Variants in RAD51B observed in about 807,000 individuals in gnomAD.
RAD51B encodes the protein DNA repair protein RAD51 homolog 2.
In RAD51B, 38 loss-of-function variants were observed where a neutral mutation model predicts 42.2. The observed-to-expected ratio is 0.90, with a 90% CI of 0.70 to 1.18. RAD51B has a LOEUF of 1.18. Ranked by LOEUF, RAD51B falls within the 50% of genes most tolerant of loss-of-function variation. RAD51B has a pLI of 0.00. For synonymous variants in RAD51B, 154 were observed against 145.2 expected, an observed-to-expected ratio of 1.06 and a Z score of -0.43; for missense variants, 373 against 400.7, an observed-to-expected ratio of 0.93 and a Z score of 0.59.
At position 68,562,044 on chromosome 14, in the gene RAD51B, A is replaced by G. The variant is rs1014649706; in HGVS notation, c.1037-32441A>G. 4.1e-6 allele frequency: 4 copies of G among 985,298 alleles called. No homozygotes were observed. The African/African-American group carries it at 7.0e-5, about 17-fold the overall frequency. The allele number at this position is 985,298 out of a possible 1,614,324, so 61.0% of individuals were successfully genotyped here. ...AGCACGTCTCTGAAGCTGTCTTTGC[A>G]GAATTAGACCACATGAATAATTTGG... On this transcript the variant is annotated intron_variant, in intron 10 of 10. Coordinates refer to the RAD51B transcript ENST00000487270.
At chr14:68,366,654 G>A (rs1393187988) in intron 8 of RAD51B, among the ~76,000 whole-genome samples, 2 of 152,158 alleles carry the variant, frequency 1.3e-5, no homozygotes, top group Non-Finnish European at 2.9e-5. Context: ...ATCCAAAATG[G>A]TAACCAAAAA....
chr14:68,403,530 C>G (rs913750858), intron 8 of RAD51B, among the ~76,000 whole-genome samples: 1 of 152,144 alleles, frequency 6.6e-6, no homozygotes, highest in African/African-American at 2.4e-5. Flanking sequence ...GTACCAGAAG[C>G]CCATCACCTT....
At chr14:68,657,210 G>A (rs956817052) in intron 11 of RAD51B, among the ~76,000 whole-genome samples, 2 of 152,152 alleles carry the variant, frequency 1.3e-5, no homozygotes, top group African/African-American at 4.8e-5. Context: ...GGACATTGTA[G>A]GTCTCGCGGT....
chr14:67,876,254 A>G (rs878908669), intron 5 of RAD51B, among the ~76,000 whole-genome samples: 2 of 152,366 alleles, frequency 1.3e-5, no homozygotes, highest in Admixed American at 6.5e-5. Context: ...ATAAGCCTAC[A>G]TTTTAGCATA....
intron 8 of RAD51B, among the ~76,000 whole-genome samples, chr14:68,325,237 A>G (rs1595709871): frequency 6.6e-6 from 1 of 152,212 alleles, no homozygotes; most frequent in East Asian, 1.9e-4. Context: ...TATGTTTTTG[A>G]GGGTTAAATG....
At chr14:68,520,361 T>G (rs1170279393) in intron 10 of RAD51B, among the ~76,000 whole-genome samples, 3 of 152,210 alleles carry the variant, frequency 2.0e-5, no homozygotes, top group South Asian at 4.1e-4. Context: ...ACTATTAGAT[T>G]ACTGGCTATT....
intron 10 of RAD51B, among the ~76,000 whole-genome samples, chr14:68,560,042 A>G (rs1217617742): frequency 1.3e-5 from 2 of 152,190 alleles, no homozygotes; most frequent in Non-Finnish European, 2.9e-5. Flanking sequence ...CATACCCAGC[A>G]GAGCTACTTC....
intron 7 of RAD51B, among the ~76,000 whole-genome samples, chr14:68,148,438 A>G (rs1164053556): frequency 1.3e-5 from 2 of 152,242 alleles, no homozygotes; most frequent in Non-Finnish European, 2.9e-5. Flanking sequence ...CTCACCAGCA[A>G]TGAATGAGAG....
At chr14:68,547,122 G>A (rs146640000) in intron 10 of RAD51B, among the ~76,000 whole-genome samples, 272 of 152,280 alleles carry the variant, frequency 1.8e-3, no homozygotes, top group Non-Finnish European at 3.4e-3. Flanking sequence ...GACTAGACCG[G>A]TGCCTAACAA....
chr14:67,823,700 C>T, intron 2 of RAD51B, 73 bp downstream of exon 2: 1 of 1,121,934 alleles, frequency 8.9e-7, no homozygotes, highest in South Asian at 1.6e-5. Flanking sequence ...ACCTCTTAAA[C>T]TTGAAATATG....
At position 68,617,120 on chromosome 14, in the gene RAD51B, G is replaced by A. The variant is rs192493100; in HGVS notation, c.1037-33661G>A. 8.3e-4 allele frequency among the ~76,000 whole-genome samples: 127 copies of A among 152,192 alleles called. 4 individuals are homozygous for A. In the Middle Eastern group the frequency reaches 0.01, roughly 12 times the overall value. On this transcript the variant is annotated intron_variant, in intron 10 of 11. Coordinates refer to the RAD51B transcript ENST00000488612. Reference sequence around the variant, plus strand: ...GTCACATTTTTCTGCTACCTGGTGAGTCTAGTAATTTTTGCTTAGATGTTG... The same window carrying A: ...GTCACATTTTTCTGCTACCTGGTGAATCTAGTAATTTTTGCTTAGATGTTG...
At chr14:68,463,123 G>A (rs1566898197) in intron 9 of RAD51B, among the ~76,000 whole-genome samples, 1 of 152,174 alleles carries the variant, frequency 6.6e-6, no homozygotes, top group Non-Finnish European at 1.5e-5. Context: ...AGATTTATGG[G>A]ATGGATGAAC....
chr14:68,375,644 T>C (rs990279763), intron 8 of RAD51B, among the ~76,000 whole-genome samples: 1 of 152,134 alleles, frequency 6.6e-6, no homozygotes, highest in African/African-American at 2.4e-5. Context: ...GCAGACCATG[T>C]CTGTCTTGCT....
chr14:67,863,470 C>T (rs2042227331), intron 4 of RAD51B, among the ~76,000 whole-genome samples: 1 of 152,156 alleles, frequency 6.6e-6, no homozygotes, highest in Non-Finnish European at 1.5e-5. Context: ...GATGCTCACT[C>T]AAATCTGAGA....
intron 7 of RAD51B, among the ~76,000 whole-genome samples, chr14:67,919,615 A>G (rs910918478): frequency 2.6e-5 from 4 of 152,118 alleles, no homozygotes; most frequent in African/African-American, 9.7e-5. Flanking sequence ...TGGATATACT[A>G]TATAAACCAG....
chr14:68,306,681 A>T (rs2081872931), intron 8 of RAD51B: 1 of 508,928 alleles, frequency 2.0e-6, no homozygotes, highest in Admixed American at 2.0e-5. Flanking sequence ...AGAGTTTGTG[A>T]CAAGTGTGTA....
intron 7 of RAD51B, among the ~76,000 whole-genome samples, chr14:67,995,611 C>CTTTT (rs759241351): frequency 9.2e-5 from 13 of 142,006 alleles, no homozygotes; most frequent in African/African-American, 2.9e-4. Context: ...ATTTTATATT[C>CTTTT]TTTTTTTTTT....
At chr14:68,397,993 C>A (rs1204975591) in intron 8 of RAD51B, among the ~76,000 whole-genome samples, 1 of 152,258 alleles carries the variant, frequency 6.6e-6, no homozygotes, top group Non-Finnish European at 1.5e-5. Flanking sequence ...TGATTCCTAT[C>A]AGGATCCTCT....
At chr14:68,449,183 A>G (rs189722579) in intron 9 of RAD51B, among the ~76,000 whole-genome samples, 74 of 152,362 alleles carry the variant, frequency 4.9e-4, no homozygotes, top group Non-Finnish European at 8.4e-4. Context: ...TCATATCAGG[A>G]AAATCTAAAG....
Sources: allele counts gnomAD v4.1 joint callset (sites outside exome capture counted in the v4.1 genomes callset), GRCh38; gene constraint gnomAD v4.1.1; transcripts MANE v1.5; gene names NCBI Gene and HGNC (gene_info 2026-07-23, HGNC 2026-07-21).